LDLRAD4: variants seen among roughly 807,000 people sequenced by gnomAD.
LDLRAD4 encodes low-density lipoprotein receptor class A domain-containing protein 4.
Under a neutral mutation model 17.0 loss-of-function variants are expected in LDLRAD4, and 5 were observed. The ratio of observed to expected loss-of-function variants is 0.29; its 90% CI spans 0.15 to 0.62. The LOEUF (loss-of-function observed/expected upper bound fraction) is 0.62. LDLRAD4 is among the 20% of genes least tolerant of loss of function. LDLRAD4 has a pLI of 0.84. For synonymous variants in LDLRAD4, 168 were observed against 171.8 expected, an observed-to-expected ratio of 0.98 and a Z score of 0.17; for missense variants, 340 against 424.7, an observed-to-expected ratio of 0.80 and a Z score of 1.75.
intron 3 of LDLRAD4, among the ~76,000 whole-genome samples, chr18:13,446,754 C>T (rs148949046): frequency 4.6e-5 from 7 of 152,356 alleles, no homozygotes; most frequent in Admixed American, 2.6e-4. Context: ...TCACCATCCC[C>T]GCTTCACCTG....
chr18:13,334,751 A>G (rs994424655), intron 1 of LDLRAD4, among the ~76,000 whole-genome samples: 1 of 152,216 alleles, frequency 6.6e-6, no homozygotes, highest in Non-Finnish European at 1.5e-5. Context: ...ACTAGTGGTG[A>G]GAAGGATGTC....
chr18:13,385,393 A>G (rs1308787294), intron 1 of LDLRAD4, among the ~76,000 whole-genome samples: 1 of 152,246 alleles, frequency 6.6e-6, no homozygotes, highest in Admixed American at 6.5e-5. Context: ...CCTGATCAGA[A>G]GTATGGCTTG....
chr18:13,465,422 T>G (rs1042474262), intron 3 of LDLRAD4, among the ~76,000 whole-genome samples: 2 of 152,232 alleles, frequency 1.3e-5, no homozygotes, highest in African/African-American at 4.8e-5. Context: ...GAAATTAACC[T>G]GTAGGAGTTA....
intron 3 of LDLRAD4, among the ~76,000 whole-genome samples, chr18:13,450,325 C>A (rs1292655924): frequency 1.1e-4 from 10 of 89,808 alleles, no homozygotes; most frequent in South Asian, 3.7e-4. Flanking sequence ...TCTCTCCCCC[C>A]ACCCCCCCCC....
chr18:13,406,826 T>C (rs1219810423), intron 2 of LDLRAD4, among the ~76,000 whole-genome samples: 2 of 152,170 alleles, frequency 1.3e-5, no homozygotes, highest in Non-Finnish European at 2.9e-5. Flanking sequence ...AAGCCTGTCC[T>C]CCAGGGCTGC....
At chr18:13,591,362 C>A (rs2095025359) in intron 3 of LDLRAD4, among the ~76,000 whole-genome samples, 1 of 151,940 alleles carries the variant, frequency 6.6e-6, no homozygotes, top group South Asian at 2.1e-4. Context: ...ATTTTTCTTT[C>A]TTCCTGAAGT....
intron 2 of LDLRAD4, among the ~76,000 whole-genome samples, chr18:13,399,248 A>G (rs928501059): frequency 1.3e-5 from 2 of 152,300 alleles, no homozygotes; most frequent in African/African-American, 4.8e-5. Flanking sequence ...ATTTTGCCCT[A>G]AACAGAGTGG....
intron 2 of LDLRAD4, among the ~76,000 whole-genome samples, chr18:13,422,914 C>T (rs2089619271): frequency 6.6e-6 from 1 of 152,102 alleles, no homozygotes; most frequent in Admixed American, 6.5e-5. Context: ...CTAGCAGAGG[C>T]GGAAAGCTGG....
intron 3 of LDLRAD4, among the ~76,000 whole-genome samples, chr18:13,498,316 A>ACG (rs2093522168): frequency 1.5e-5 from 1 of 65,838 alleles, no homozygotes; most frequent in Non-Finnish European, 3.6e-5. Context: ...TTCTGCCCAC[A>ACG]CACGTCCTGC....
Position 13,567,256 on chromosome 18 carries a change from G to A in LDLRAD4, c.182-53861G>A, listed in dbSNP as rs555177098. Reference sequence around the variant, plus strand: ...TGCTAAGAAAGACAAATACACACACGTAGGGAAGAAACACAAGTACCTTGC... The same window carrying A: ...TGCTAAGAAAGACAAATACACACACATAGGGAAGAAACACAAGTACCTTGC... On this transcript the variant is annotated intron_variant, in intron 3 of 5. Coordinates refer to ENST00000359446, the Ensembl canonical transcript of LDLRAD4. 2.0e-4 allele frequency among the ~76,000 whole-genome samples: 31 copies of A among 152,344 alleles called. 1 individual carries two copies. Among genetic ancestry groups the A allele is most frequent in the African/African-American group, 6.3e-4 (26 of 41,578 alleles).
intron 3 of LDLRAD4, among the ~76,000 whole-genome samples, chr18:13,607,053 G>T (rs1470149623): frequency 1.3e-5 from 2 of 152,166 alleles, no homozygotes; most frequent in Non-Finnish European, 2.9e-5. Flanking sequence ...CAGTCCACTG[G>T]CATCCTTTGG....
At chr18:13,434,278 A>G (rs1240526675) in intron 2 of LDLRAD4, among the ~76,000 whole-genome samples, 1 of 150,820 alleles carries the variant, frequency 6.6e-6, no homozygotes, top group Non-Finnish European at 1.5e-5. Context: ...GAAATCAAAT[A>G]GGAAATTTTG....
chr18:13,389,295 T>C (rs1391655166), intron 2 of LDLRAD4, among the ~76,000 whole-genome samples: 1 of 149,928 alleles, frequency 6.7e-6, no homozygotes, highest in Non-Finnish European at 1.5e-5. Context: ...ACTCCTCCCC[T>C]CCAGGCAGGG....
intron 4 of LDLRAD4, among the ~76,000 whole-genome samples, chr18:13,623,833 C>T (rs187325409): frequency 1.3e-5 from 2 of 152,294 alleles, no homozygotes; most frequent in Admixed American, 6.5e-5. Context: ...AATGCCCCCA[C>T]GCAGCCAGGC....
chr18:13,318,686 C>T (rs750404737), intron 1 of LDLRAD4, among the ~76,000 whole-genome samples: 48 of 152,270 alleles, frequency 3.2e-4, no homozygotes, highest in Non-Finnish European at 5.4e-4. Context: ...GCTAGGCATT[C>T]CGGGGATTTC....
chr18:13,343,514 G>C (rs369822745), intron 1 of LDLRAD4, among the ~76,000 whole-genome samples: 1 of 152,018 alleles, frequency 6.6e-6, no homozygotes, highest in Middle Eastern at 3.2e-3. Flanking sequence ...CTAAGTCTTT[G>C]CTATTGTGAA....
chr18:13,524,016 C>T (rs955820838), intron 3 of LDLRAD4, among the ~76,000 whole-genome samples: 5 of 152,216 alleles, frequency 3.3e-5, no homozygotes, highest in Admixed American at 2.0e-4. Context: ...TTCACTCTGT[C>T]CCTGGAGAGG....
rs533113676 is a variant in LDLRAD4, at chr18:13,534,195, A to G, written c.182-86922A>G. Among the ~76,000 whole-genome samples, 4 of 152,258 alleles carry G rather than the reference A, an allele frequency of 2.6e-5. No homozygotes were observed. The East Asian group carries it at 7.7e-4, about 29-fold the overall frequency. ...CTATCTGCACTTCCCTGTAACTCTC[A>G]CTTTTTTTCTTTAATGTGGCCTGCA... On this transcript the variant is annotated intron_variant, in intron 3 of 5. Transcript: ENST00000359446.
At chr18:13,406,676 G>A (rs1326022694) in intron 2 of LDLRAD4, among the ~76,000 whole-genome samples, 1 of 152,146 alleles carries the variant, frequency 6.6e-6, no homozygotes, top group East Asian at 1.9e-4. Flanking sequence ...ACCTGGACAG[G>A]GTGGGAGGCT....
Sources: gnomAD v4.1 joint callset for allele counts (sites outside exome capture counted in the v4.1 genomes callset) on GRCh38, gnomAD v4.1.1 for gene constraint, MANE v1.5 for transcripts, NCBI Gene and HGNC (gene_info 2026-07-23, HGNC 2026-07-21) for gene names.